Variants in NKAIN2 observed in about 807,000 individuals in gnomAD.
The protein encoded by NKAIN2 is sodium/potassium transporting ATPase interacting 2, also known as sodium/potassium-transporting ATPase subunit beta-1-interacting protein 2.
NKAIN2 carries 14 observed loss-of-function variants against 32.6 expected under a neutral mutation model. That is an observed-to-expected ratio of 0.43 (90% CI 0.28 to 0.67). The LOEUF (loss-of-function observed/expected upper bound fraction) is 0.67, where lower values mean the gene tolerates loss of function less well. Ranked by LOEUF, NKAIN2 falls within the 30% of genes least tolerant of loss-of-function variation. The pLI is 0.17. For missense variants in NKAIN2, 198 were observed against 258.3 expected (o/e 0.77, Z 1.60); for synonymous variants, 80 against 87.2 (o/e 0.92, Z 0.46).
chr6:123,884,595 AATG>A (rs1229974206), intron 1 of NKAIN2, among the ~76,000 whole-genome samples: 7 of 152,176 alleles, frequency 4.6e-5, no homozygotes, highest in Non-Finnish European at 1.0e-4. Flanking sequence ...GAAATTTAGC[AATG>A]ATAAGGTAGT....
At chr6:124,816,885 A>C (rs1781191344) in intron 5 of NKAIN2, among the ~76,000 whole-genome samples, 1 of 152,206 alleles carries the variant, frequency 6.6e-6, no homozygotes, top group African/African-American at 2.4e-5. Context: ...CTTTATTCAC[A>C]AATGAAAAAG....
intron 1 of NKAIN2, among the ~76,000 whole-genome samples, chr6:124,196,008 C>G (rs1790297934): frequency 6.6e-6 from 1 of 152,060 alleles, no homozygotes; most frequent in Admixed American, 6.6e-5. Flanking sequence ...AATTTGTTCA[C>G]TCTTTAATTG....
chr6:124,137,129 C>T (rs1353559465), intron 1 of NKAIN2, among the ~76,000 whole-genome samples: 4 of 152,002 alleles, frequency 2.6e-5, no homozygotes, highest in Non-Finnish European at 4.4e-5. Flanking sequence ...ATCCAAAAGG[C>T]TTCTAGATCT....
chr6:124,638,996 A>C (rs1783886341), intron 3 of NKAIN2, among the ~76,000 whole-genome samples: 2 of 152,084 alleles, frequency 1.3e-5, no homozygotes, highest in Admixed American at 1.3e-4. Context: ...AGCACCACTA[A>C]TAATCAGGGA....
At chr6:124,498,886 C>T (rs774941122) in intron 3 of NKAIN2, among the ~76,000 whole-genome samples, 10 of 152,028 alleles carry the variant, frequency 6.6e-5, no homozygotes, top group African/African-American at 9.7e-5. Flanking sequence ...ACTGGACAAA[C>T]GGTAGTAAAA....
intron 1 of NKAIN2, among the ~76,000 whole-genome samples, chr6:124,069,953 C>G (rs1426550153): frequency 6.6e-6 from 1 of 152,176 alleles, no homozygotes; most frequent in African/African-American, 2.4e-5. Flanking sequence ...TTACACTGAA[C>G]TTTGTCAATT....
intron 1 of NKAIN2, among the ~76,000 whole-genome samples, chr6:124,103,153 A>G (rs915873068): frequency 6.6e-6 from 1 of 152,240 alleles, no homozygotes. Flanking sequence ...AATTAATTAT[A>G]TATGAAAGCA....
chr6:123,972,752 T>C (rs1280471267), intron 1 of NKAIN2, among the ~76,000 whole-genome samples: 1 of 152,142 alleles, frequency 6.6e-6, no homozygotes, highest in East Asian at 1.9e-4. Context: ...TGCCATTTAG[T>C]TCTACCTTAT....
intron 3 of NKAIN2, among the ~76,000 whole-genome samples, chr6:124,610,252 C>G (rs1782641986): frequency 6.6e-6 from 1 of 152,168 alleles, no homozygotes; most frequent in South Asian, 2.1e-4. Flanking sequence ...GGGGCACAAA[C>G]AAGATCACAT....
intron 4 of NKAIN2, among the ~76,000 whole-genome samples, chr6:124,771,299 T>C (rs1171442765): frequency 6.6e-6 from 1 of 152,208 alleles, no homozygotes; most frequent in Non-Finnish European, 1.5e-5. Flanking sequence ...ACATTTTGCA[T>C]AATATATGAA....
rs578141149 is a variant in NKAIN2 at position 124,616,864 on chromosome 6, G to T, written c.274-41322G>T. ...GATAGTGCTATGCATACATAGCTCT[G>T]TATCTTGACATATGCGTGGTTATCC... On this transcript the variant is annotated intron_variant, in intron 3 of 6. Transcript: ENST00000368417. Among the ~76,000 whole-genome samples, 7 of 152,014 alleles carry T rather than the reference G, an allele frequency of 4.6e-5. No individual in the cohort carries two copies. The East Asian group carries it at 1.4e-3, about 30-fold the overall frequency.
At chr6:124,119,113 T>C (rs902392042) in intron 1 of NKAIN2, among the ~76,000 whole-genome samples, 3 of 152,142 alleles carry the variant, frequency 2.0e-5, no homozygotes, top group Admixed American at 6.6e-5. Context: ...CTGAAAGACA[T>C]TCTATTACCA....
At chr6:124,529,343 T>C (rs1413779540) in intron 3 of NKAIN2, among the ~76,000 whole-genome samples, 1 of 152,200 alleles carries the variant, frequency 6.6e-6, no homozygotes, top group African/African-American at 2.4e-5. Context: ...TTCCCTTCTC[T>C]TTCTGTTTGT....
intron 1 of NKAIN2, among the ~76,000 whole-genome samples, chr6:124,237,015 T>C (rs1792806294): frequency 1.3e-5 from 2 of 152,142 alleles, no homozygotes; most frequent in South Asian, 4.1e-4. Context: ...GTGTGTGGGA[T>C]CAAGGAAAAT....
At position 123,832,923 on chromosome 6, in the gene NKAIN2, G is replaced by C. The variant is rs187913413; in HGVS notation, c.54+28669G>C. Among the ~76,000 whole-genome samples the C allele has an allele frequency of 2.4e-3, 361 of 152,210 alleles. 2 individuals carry two copies. The highest frequency in any genetic ancestry group is 8.3e-3 in the African/African-American group (344 of 41,540). Reference sequence around the variant, plus strand: ...AATATTGTTGCCCAGTCTTTGGCTTGTCTTCATATTCTCTTGAAATTTGCT... The same window carrying C: ...AATATTGTTGCCCAGTCTTTGGCTTCTCTTCATATTCTCTTGAAATTTGCT... On this transcript the variant is annotated intron_variant, in intron 1 of 6. Coordinates refer to ENST00000368417, the MANE Select transcript of NKAIN2 (RefSeq NM_001040214.3).
chr6:123,825,654 T>G (rs1195762012), intron 1 of NKAIN2, among the ~76,000 whole-genome samples: 1 of 152,182 alleles, frequency 6.6e-6, no homozygotes, highest in Admixed American at 6.5e-5. Context: ...ATTTTCAGAC[T>G]GAGCTTTGTT....
At chr6:124,473,265 A>G (rs1303172253) in intron 3 of NKAIN2, among the ~76,000 whole-genome samples, 1 of 152,206 alleles carries the variant, frequency 6.6e-6, no homozygotes, top group Non-Finnish European at 1.5e-5. Flanking sequence ...CTAGGGCTTC[A>G]TTATGGGAGA....
At chr6:124,224,540 G>C (rs1365209762) in intron 1 of NKAIN2, among the ~76,000 whole-genome samples, 1 of 151,962 alleles carries the variant, frequency 6.6e-6, no homozygotes, top group Admixed American at 6.6e-5. Context: ...TCATCTACTT[G>C]GGAAATACTG....
At chr6:124,005,594 C>A (rs1026293163) in intron 1 of NKAIN2, among the ~76,000 whole-genome samples, 1 of 152,108 alleles carries the variant, frequency 6.6e-6, no homozygotes, top group East Asian at 1.9e-4. Flanking sequence ...CTAATTCATG[C>A]AAAGTGCCTA....
Sources: gnomAD v4.1 joint callset for allele counts (sites outside exome capture counted in the v4.1 genomes callset) on GRCh38, gnomAD v4.1.1 for gene constraint, MANE v1.5 for transcripts, NCBI Gene and HGNC (gene_info 2026-07-23, HGNC 2026-07-21) for gene names.